RAB3C: variants seen among roughly 807,000 people sequenced by gnomAD.
The protein encoded by RAB3C is RAB3C, member RAS oncogene family.
Under a neutral mutation model 26.4 loss-of-function variants are expected in RAB3C, and 17 were observed. The ratio of observed to expected loss-of-function variants is 0.64; its 90% CI spans 0.44 to 0.97. The LOEUF (loss-of-function observed/expected upper bound fraction) is 0.97, where lower values mean the gene tolerates loss of function less well. RAB3C is among the 50% of genes least tolerant of loss of function. The pLI is 0.00. For missense variants in RAB3C, 242 were observed against 281.9 expected (o/e 0.86, Z 1.01); for synonymous variants, 91 against 95.9 (o/e 0.95, Z 0.30).
At chr5:58,646,229 C>A (rs908347263) in intron 2 of RAB3C, among the ~76,000 whole-genome samples, 1 of 152,134 alleles carries the variant, frequency 6.6e-6, no homozygotes, top group Non-Finnish European at 1.5e-5. Flanking sequence ...TCTCTCACTG[C>A]ACCTAGCATA....
intron 4 of RAB3C, among the ~76,000 whole-genome samples, chr5:58,849,082 G>T (rs369347019): frequency 2.0e-5 from 3 of 152,084 alleles, no homozygotes; most frequent in African/African-American, 7.2e-5. Flanking sequence ...AGATGCCCAG[G>T]GTAAAGGAGT....
intron 4 of RAB3C, among the ~76,000 whole-genome samples, chr5:58,834,058 C>G (rs1233370757): frequency 2.0e-5 from 3 of 152,226 alleles, no homozygotes; most frequent in African/African-American, 7.2e-5. Context: ...TCATTAAGAA[C>G]TGGCCATTGT....
intron 1 of RAB3C, among the ~76,000 whole-genome samples, chr5:58,613,608 A>C (rs1746761968): frequency 6.6e-6 from 1 of 152,166 alleles, no homozygotes; most frequent in Non-Finnish European, 1.5e-5. Context: ...TGTCAAATAT[A>C]GAATGGGAAT....
At chr5:58,831,811 G>A (rs1743619597) in intron 4 of RAB3C, among the ~76,000 whole-genome samples, 1 of 152,118 alleles carries the variant, frequency 6.6e-6, no homozygotes, top group Non-Finnish European at 1.5e-5. Flanking sequence ...CGGGGACAAG[G>A]AAACAAATCT....
rs935124645 is a variant in RAB3C at position 58,824,958 on chromosome 5, T to G, written c.372-80T>G. 11 of 952,188 alleles carry G rather than the reference T, an allele frequency of 1.2e-5. No individual in the cohort carries two copies. In the African/African-American group the frequency reaches 1.8e-4, roughly 16 times the overall value. The allele number at this position is 952,188 out of a possible 1,614,324, so 59.0% of individuals were successfully genotyped here. A position where few individuals can be genotyped will look rare whatever the true frequency, so the allele number is the denominator to read the frequency against. ...TTTTCCTTTTGCTACCATCATCATC[T>G]GTGGAATGTATTTCTTCTCCTTCAT... On this transcript the variant is annotated intron_variant, in intron 3 of 4. Transcript: ENST00000282878.
chr5:58,789,173 C>T (rs1191164981), intron 3 of RAB3C, among the ~76,000 whole-genome samples: 1 of 152,090 alleles, frequency 6.6e-6, no homozygotes, highest in Non-Finnish European at 1.5e-5. Context: ...AATGGAACCA[C>T]TCTTATTTGG....
At chr5:58,668,078 T>G (rs576942706) in intron 2 of RAB3C, among the ~76,000 whole-genome samples, 2 of 152,324 alleles carry the variant, frequency 1.3e-5, no homozygotes, top group East Asian at 3.9e-4. Context: ...TTGTAGATGC[T>G]GTAAGTATGA....
chr5:58,759,237 G>T (rs1193855537), intron 3 of RAB3C, among the ~76,000 whole-genome samples: 3 of 152,196 alleles, frequency 2.0e-5, no homozygotes, highest in Non-Finnish European at 4.4e-5. Context: ...ATTATAGAAG[G>T]AGTTTCTAAC....
chr5:58,732,317 T>C (rs2111931296), intron 3 of RAB3C, among the ~76,000 whole-genome samples: 1 of 152,008 alleles, frequency 6.6e-6, no homozygotes, highest in Non-Finnish European at 1.5e-5. Flanking sequence ...TTATTAAACA[T>C]GATATATTAT....
At chr5:58,729,822 G>A (rs1740971523) in intron 3 of RAB3C, among the ~76,000 whole-genome samples, 1 of 139,552 alleles carries the variant, frequency 7.2e-6, no homozygotes, top group Non-Finnish European at 1.5e-5. Context: ...TATACTATAT[G>A]TATATTTATA....
At chr5:58,814,432 T>C (rs1357651871) in intron 3 of RAB3C, among the ~76,000 whole-genome samples, 1 of 152,162 alleles carries the variant, frequency 6.6e-6, no homozygotes, top group Non-Finnish European at 1.5e-5. Flanking sequence ...GGTACCTAAG[T>C]GAGGGCAAGT....
At chr5:58,634,882 G>T (rs540037849) in intron 2 of RAB3C, among the ~76,000 whole-genome samples, 3 of 152,120 alleles carry the variant, frequency 2.0e-5, no homozygotes, top group Non-Finnish European at 2.9e-5. Flanking sequence ...GATCCTCTTC[G>T]CAGAAGAAGA....
intron 1 of RAB3C, among the ~76,000 whole-genome samples, chr5:58,606,272 C>G (rs1278904541): frequency 6.6e-6 from 1 of 152,210 alleles, no homozygotes; most frequent in African/African-American, 2.4e-5. Flanking sequence ...GCAGGTCCCA[C>G]ACCAACGCAG....
intron 4 of RAB3C, among the ~76,000 whole-genome samples, chr5:58,847,524 A>G (rs1455714795): frequency 1.3e-5 from 2 of 152,370 alleles, no homozygotes; most frequent in African/African-American, 4.8e-5. Flanking sequence ...GGTAACAGCC[A>G]TAAAATCTGA....
chr5:58,842,071 C>T (rs1743887934), intron 4 of RAB3C, among the ~76,000 whole-genome samples: 1 of 152,180 alleles, frequency 6.6e-6, no homozygotes, highest in African/African-American at 2.4e-5. Context: ...CTCTCATTTC[C>T]CCATTGACCA....
At chr5:58,726,500 T>G (rs907245616) in intron 3 of RAB3C, among the ~76,000 whole-genome samples, 1 of 151,994 alleles carries the variant, frequency 6.6e-6, no homozygotes, top group African/African-American at 2.4e-5. Context: ...ACTGCTTGTT[T>G]AGTAAATCAA....
At chr5:58,713,693 T>G (rs554423870) in intron 2 of RAB3C, among the ~76,000 whole-genome samples, 2 of 152,180 alleles carry the variant, frequency 1.3e-5, no homozygotes, top group Non-Finnish European at 2.9e-5. Flanking sequence ...ACATCAGAAA[T>G]TAAGAACTTG....
chr5:58,723,608 T>A (rs1740821171), intron 2 of RAB3C, among the ~76,000 whole-genome samples: 1 of 151,810 alleles, frequency 6.6e-6, no homozygotes, highest in Non-Finnish European at 1.5e-5. Flanking sequence ...TGTAAGCATC[T>A]AAGCAGGTAC....
rs148588861 is a variant in RAB3C at position 58,717,448 on chromosome 5, C to T, written c.253-8554C>T. 3.7e-4 allele frequency among the ~76,000 whole-genome samples: 56 copies of T among 152,228 alleles called. 1 individual carries two copies. The East Asian group carries it at 6.8e-3, about 18-fold the overall frequency. On this transcript the variant is annotated intron_variant, in intron 2 of 4. Coordinates refer to ENST00000282878, the MANE Select transcript of RAB3C (RefSeq NM_138453.4). The stretch of plus-strand genomic sequence containing the variant: ...GAAGCCTGTCCTGCCACCCACAGGA[C>T]AAGCTTCTGTGTGACAGACATCTGA...
Sources: allele counts gnomAD v4.1 joint callset (sites outside exome capture counted in the v4.1 genomes callset), GRCh38; gene constraint gnomAD v4.1.1; transcripts MANE v1.5; gene names NCBI Gene and HGNC (gene_info 2026-07-23, HGNC 2026-07-21).